Variants in RBMS3 observed in about 807,000 individuals in gnomAD.
The protein encoded by RBMS3 is RNA binding motif single stranded interacting protein 3.
Under a neutral mutation model 66.8 loss-of-function variants are expected in RBMS3, and 27 were observed. That is an observed-to-expected ratio of 0.40 (90% CI 0.30 to 0.56). RBMS3 has a LOEUF of 0.56. RBMS3 is among the 20% of genes least tolerant of loss of function. The pLI is 0.40. For synonymous variants in RBMS3, 188 were observed against 183.0 expected, an observed-to-expected ratio of 1.03 and a Z score of -0.22; for missense variants, 513 against 549.5, an observed-to-expected ratio of 0.93 and a Z score of 0.66.
At chr3:29,930,627 C>T (rs955257127) in intron 10 of RBMS3, among the ~76,000 whole-genome samples, 2 of 151,924 alleles carry the variant, frequency 1.3e-5, no homozygotes, top group African/African-American at 2.4e-5. Context: ...TAATAGCACA[C>T]CTCGGCAGTT....
chr3:29,545,929 C>A (rs945286770), intron 3 of RBMS3, among the ~76,000 whole-genome samples: 3 of 152,038 alleles, frequency 2.0e-5, no homozygotes, highest in East Asian at 1.9e-4. Context: ...ATTATGAAAT[C>A]TTTTTATGAA....
intron 6 of RBMS3, among the ~76,000 whole-genome samples, chr3:29,768,903 C>T (rs2056055103): frequency 6.6e-6 from 1 of 151,882 alleles, no homozygotes; most frequent in Admixed American, 6.6e-5. Context: ...AATTAAACTA[C>T]CTTGTCCCTT....
chr3:29,815,414 A>C (rs1172985349), intron 6 of RBMS3, among the ~76,000 whole-genome samples: 1 of 152,120 alleles, frequency 6.6e-6, no homozygotes, highest in East Asian at 1.9e-4. Flanking sequence ...TCACCCTAGG[A>C]AACAATATAC....
intron 3 of RBMS3, among the ~76,000 whole-genome samples, chr3:29,520,682 T>A (rs2044822443): frequency 6.6e-6 from 1 of 152,160 alleles, no homozygotes; most frequent in Non-Finnish European, 1.5e-5. Flanking sequence ...ATATACAAAT[T>A]AATATGAAGG....
At chr3:29,570,620 T>C (rs2046919242) in intron 3 of RBMS3, among the ~76,000 whole-genome samples, 1 of 152,282 alleles carries the variant, frequency 6.6e-6, no homozygotes, top group African/African-American at 2.4e-5. Flanking sequence ...TGTAATGACC[T>C]CCAGTTTCAT....
At chr3:29,409,929 G>A (rs1228633823) in intron 1 of RBMS3, among the ~76,000 whole-genome samples, 1 of 151,998 alleles carries the variant, frequency 6.6e-6, no homozygotes, top group Non-Finnish European at 1.5e-5. Flanking sequence ...TTATTGGATT[G>A]CAGAAAAGTT....
At chr3:29,959,693 G>T (rs920849669) in intron 12 of RBMS3, among the ~76,000 whole-genome samples, 1 of 151,988 alleles carries the variant, frequency 6.6e-6, no homozygotes, top group South Asian at 2.1e-4. Flanking sequence ...TGCAGGGCTC[G>T]GGAGGCCTCA....
intron 1 of RBMS3, among the ~76,000 whole-genome samples, chr3:29,326,845 C>T (rs1477946840): frequency 6.6e-6 from 1 of 151,906 alleles, no homozygotes; most frequent in Non-Finnish European, 1.5e-5. Flanking sequence ...ATTCTCCTGC[C>T]TCAGTCTCAC....
At chr3:29,430,984 A>T (rs1481339280) in intron 1 of RBMS3, among the ~76,000 whole-genome samples, 1 of 152,164 alleles carries the variant, frequency 6.6e-6, no homozygotes, top group Non-Finnish European at 1.5e-5. Flanking sequence ...CATGTACTGA[A>T]CACCTACTGT....
intron 3 of RBMS3, among the ~76,000 whole-genome samples, chr3:29,533,290 C>A (rs1435070615): frequency 6.6e-6 from 1 of 151,736 alleles, no homozygotes; most frequent in Non-Finnish European, 1.5e-5. Flanking sequence ...CCAGTGTGGG[C>A]AACATAAACA....
intron 4 of RBMS3, among the ~76,000 whole-genome samples, chr3:29,672,725 A>T (rs60986081): frequency 2.6e-5 from 4 of 152,154 alleles, no homozygotes; most frequent in Admixed American, 1.3e-4. Flanking sequence ...CAATTCAACA[A>T]GAAGAGCTAT....
rs1576082625 is a variant in RBMS3 at position 29,516,400 on chromosome 3, A to G, written c.307+27901A>G. On this transcript the variant is annotated intron_variant, in intron 3 of 14. Coordinates refer to ENST00000383767, the MANE Select transcript of RBMS3 (RefSeq NM_001003793.3). ...TGATGAAATCACTAAGAAAACACAT[A>G]GAGTGGCATAAAGCCTGAAGACTAT... is the stretch of plus-strand genomic sequence containing the variant. Among the ~76,000 whole-genome samples, 7 of 152,324 alleles carry G rather than the reference A, an allele frequency of 4.6e-5. No homozygotes were observed. The South Asian group carries it at 6.2e-4, about 14-fold the overall frequency.
chr3:29,802,798 A>G (rs2057429619), intron 6 of RBMS3, among the ~76,000 whole-genome samples: 1 of 152,176 alleles, frequency 6.6e-6, no homozygotes, highest in South Asian at 2.1e-4. Context: ...TCTGATATAA[A>G]TGAAAAAATT....
At chr3:29,340,306 G>T (rs2036210513) in intron 1 of RBMS3, among the ~76,000 whole-genome samples, 1 of 152,078 alleles carries the variant, frequency 6.6e-6, no homozygotes, top group Admixed American at 6.6e-5. Context: ...CCAGTTTCAT[G>T]CCCATGAAGC....
intron 4 of RBMS3, among the ~76,000 whole-genome samples, chr3:29,688,668 C>T (rs1003456920): frequency 1.3e-4 from 19 of 146,424 alleles, no homozygotes; most frequent in African/African-American, 4.6e-4. Context: ...CTGCAACCTC[C>T]GCCTCCCAGG....
chr3:29,847,933 G>A (rs565791593), intron 6 of RBMS3, among the ~76,000 whole-genome samples: 32 of 152,310 alleles, frequency 2.1e-4, no homozygotes, highest in African/African-American at 7.2e-4. Flanking sequence ...TGGGATTACA[G>A]GCGTCAATTT....
chr3:29,534,665 G>T (rs1246828928), intron 3 of RBMS3, among the ~76,000 whole-genome samples: 1 of 152,148 alleles, frequency 6.6e-6, no homozygotes, highest in African/African-American at 2.4e-5. Flanking sequence ...GGATCATGAA[G>T]ATATTTAGCA....
chr3:29,822,046 T>C (rs144217480), intron 6 of RBMS3, among the ~76,000 whole-genome samples: 54 of 152,308 alleles, frequency 3.5e-4, no homozygotes, highest in African/African-American at 1.2e-3. Flanking sequence ...AACTCAAATA[T>C]ATGATTTTAA....
At chr3:29,921,630 T>C (rs2060783575) in intron 10 of RBMS3, among the ~76,000 whole-genome samples, 1 of 152,062 alleles carries the variant, frequency 6.6e-6, no homozygotes, top group African/African-American at 2.4e-5. Context: ...CTCCCTATAA[T>C]GAGCTGTGAT....
Sources: allele counts gnomAD v4.1 joint callset (sites outside exome capture counted in the v4.1 genomes callset), GRCh38; gene constraint gnomAD v4.1.1; transcripts MANE v1.5; gene names NCBI Gene and HGNC (gene_info 2026-07-23, HGNC 2026-07-21).